Variants in NEK11 observed in about 807,000 individuals in gnomAD.
NEK11 encodes the protein NIMA related kinase 11.
Under a neutral mutation model 80.7 loss-of-function variants are expected in NEK11, and 72 were observed. That is an observed-to-expected ratio of 0.89 (90% CI 0.74 to 1.08). NEK11 has a LOEUF of 1.08. Ranked by LOEUF, NEK11 falls within the 50% of genes least tolerant of loss-of-function variation. The pLI is 0.00. For synonymous variants in NEK11, 251 were observed against 260.7 expected, an observed-to-expected ratio of 0.96 and a Z score of 0.36; for missense variants, 764 against 763.6, an observed-to-expected ratio of 1.00 and a Z score of -0.01.
Position 131,061,485 on chromosome 3 carries a change from T to A in NEK11, c.171-18938T>A, listed in dbSNP as rs866826357. ...TTCTGCCTTATGATCAGATAGTGTA[T>A]CTCGGTGTTGGCTATATATAAAATG... On this transcript the variant is annotated intron_variant, in intron 3 of 17. Transcript: ENST00000383366. Among the ~76,000 whole-genome samples the A allele has an allele frequency of 2.7e-4, 41 of 152,066 alleles. No individual in the cohort carries two copies. The Middle Eastern group carries it at 0.01, about 38-fold the overall frequency.
intron 15 of NEK11, among the ~76,000 whole-genome samples, chr3:131,239,229 C>T (rs994654414): frequency 6.6e-6 from 1 of 152,012 alleles, no homozygotes; most frequent in Non-Finnish European, 1.5e-5. Flanking sequence ...AAGAGGTGAC[C>T]AAGAGGTGAA....
intron 17 of NEK11, among the ~76,000 whole-genome samples, chr3:131,301,357 C>T (rs967436127): frequency 6.6e-6 from 1 of 152,020 alleles, no homozygotes; most frequent in Non-Finnish European, 1.5e-5. Flanking sequence ...TATTTGGATG[C>T]CTTTTATTTC....
At chr3:131,293,174 TG>T (rs2109011825) in intron 17 of NEK11, among the ~76,000 whole-genome samples, 1 of 152,264 alleles carries the variant, frequency 6.6e-6, no homozygotes, top group Non-Finnish European at 1.5e-5. Flanking sequence ...TGACATTAGT[TG>T]GAAAAGCTTT....
At chr3:131,222,819 C>G (rs2095066329) in intron 14 of NEK11, among the ~76,000 whole-genome samples, 2 of 152,016 alleles carry the variant, frequency 1.3e-5, no homozygotes, top group Non-Finnish European at 1.5e-5. Flanking sequence ...GGGGTGGGAC[C>G]CAGAGATCCG....
chr3:131,245,416 C>A (rs1391156570), intron 16 of NEK11, among the ~76,000 whole-genome samples: 1 of 151,632 alleles, frequency 6.6e-6, no homozygotes, highest in African/African-American at 2.4e-5. Flanking sequence ...CATAAAAGTG[C>A]AGGTATCTTT....
intron 3 of NEK11, among the ~76,000 whole-genome samples, chr3:131,045,611 A>G (rs1353915725): frequency 2.6e-5 from 4 of 152,202 alleles, no homozygotes; most frequent in Non-Finnish European, 5.9e-5. Flanking sequence ...GTGCTGATGC[A>G]TAGAATGTAT....
At chr3:131,190,417 G>C (rs1163260320) in intron 14 of NEK11, among the ~76,000 whole-genome samples, 1 of 152,198 alleles carries the variant, frequency 6.6e-6, no homozygotes. Context: ...CATCCCTAAA[G>C]TAATGAGTGA....
chr3:131,033,388 A>C (rs1340548227), intron 3 of NEK11, among the ~76,000 whole-genome samples: 1 of 152,310 alleles, frequency 6.6e-6, no homozygotes, highest in South Asian at 2.1e-4. Flanking sequence ...TATGAATGCT[A>C]TTCCTTCAAC....
chr3:131,334,510 A>C (rs1394161614), intron 17 of NEK11, among the ~76,000 whole-genome samples: 7 of 151,446 alleles, frequency 4.6e-5, no homozygotes, highest in Admixed American at 3.3e-4. Flanking sequence ...CCACAAGAGA[A>C]AGCAGGAAAG....
intron 14 of NEK11, among the ~76,000 whole-genome samples, chr3:131,217,636 TGATCG>T (rs895411733): frequency 2.0e-5 from 3 of 152,188 alleles, no homozygotes; most frequent in African/African-American, 7.2e-5. Context: ...ACAGAGCACA[TGATCG>T]GCCACCATCT....
intron 4 of NEK11, among the ~76,000 whole-genome samples, chr3:131,099,567 A>T (rs2078044768): frequency 6.6e-6 from 1 of 152,198 alleles, no homozygotes; most frequent in East Asian, 1.9e-4. Flanking sequence ...CAGTATGGCT[A>T]TTTTAACAGT....
chr3:131,347,008 A>G (rs148666196), intron 17 of NEK11, among the ~76,000 whole-genome samples: 1 of 152,140 alleles, frequency 6.6e-6, no homozygotes, highest in Non-Finnish European at 1.5e-5. Flanking sequence ...TCACTGAAGT[A>G]ATCAGTGTAT....
intron 4 of NEK11, among the ~76,000 whole-genome samples, chr3:131,098,594 T>A (rs1412330003): frequency 1.4e-4 from 21 of 150,960 alleles, no homozygotes; most frequent in African/African-American, 3.9e-4. Context: ...TTTTTTTTTT[T>A]AGATGGAGTC....
intron 10 of NEK11, 142 bp from the exon 11 acceptor site, chr3:131,162,266 C>T: frequency 1.0e-6 from 1 of 987,520 alleles, no homozygotes; most frequent in Non-Finnish European, 1.5e-6. Context: ...CATTACATAC[C>T]CAAAGCTTAT....
intron 3 of NEK11, among the ~76,000 whole-genome samples, chr3:131,032,561 C>T (rs958156036): frequency 1.3e-5 from 2 of 152,196 alleles, no homozygotes; most frequent in Non-Finnish European, 2.9e-5. Flanking sequence ...AATGTGACTA[C>T]TCACAAAATT....
intron 14 of NEK11, among the ~76,000 whole-genome samples, chr3:131,184,295 G>C (rs2093502549): frequency 6.6e-6 from 1 of 152,138 alleles, no homozygotes; most frequent in Non-Finnish European, 1.5e-5. Flanking sequence ...AGCATCCTGA[G>C]AATTTGTTAG....
At chr3:131,154,799 A>G in intron 9 of NEK11, 2 of 439,838 alleles carry the variant, frequency 4.5e-6, no homozygotes, top group South Asian at 3.9e-5. Context: ...AAAGGGAGTG[A>G]GAGAGCAAGC....
chr3:131,231,662 G>T (rs1446957899), intron 15 of NEK11, among the ~76,000 whole-genome samples: 1 of 151,730 alleles, frequency 6.6e-6, no homozygotes, highest in Non-Finnish European at 1.5e-5. Flanking sequence ...TTCCCCAAAG[G>T]TGATGAATGT....
chr3:131,204,818 C>T (rs1279839954), intron 14 of NEK11, among the ~76,000 whole-genome samples: 4 of 151,802 alleles, frequency 2.6e-5, no homozygotes, highest in Non-Finnish European at 5.9e-5. Flanking sequence ...GTAGGCATGC[C>T]TTGGGCTTTT....
Sources: allele counts gnomAD v4.1 joint callset (sites outside exome capture counted in the v4.1 genomes callset), GRCh38; gene constraint gnomAD v4.1.1; transcripts MANE v1.5; gene names NCBI Gene and HGNC (gene_info 2026-07-23, HGNC 2026-07-21).